Variants in RAPGEF4 observed in about 807,000 individuals in gnomAD.
RAPGEF4 encodes RAP guanine-nucleotide-exchange factor (GEF) 4.
In RAPGEF4, 66 loss-of-function variants were observed where a neutral mutation model predicts 147.9. The observed-to-expected ratio is 0.45, with a 90% CI of 0.37 to 0.55. RAPGEF4 has a LOEUF of 0.55. Ranked by LOEUF, RAPGEF4 falls within the 20% of genes least tolerant of loss-of-function variation. RAPGEF4 has a pLI of 0.00. For missense variants in RAPGEF4, 1,071 were observed against 1,257.3 expected (o/e 0.85, Z 2.24); for synonymous variants, 419 against 442.7 (o/e 0.95, Z 0.67).
intron 4 of RAPGEF4, among the ~76,000 whole-genome samples, chr2:172,826,964 CAA>C (rs59106041): frequency 1.4e-5 from 2 of 138,846 alleles, no homozygotes. Context: ...GACCCTTTCT[CAA>C]AAAAAAAAAG....
chr2:172,958,679 A>G (rs1240590266), intron 6 of RAPGEF4, among the ~76,000 whole-genome samples: 2 of 152,204 alleles, frequency 1.3e-5, no homozygotes, highest in Non-Finnish European at 1.5e-5. Flanking sequence ...TTAAAATACT[A>G]TAATATTGCT....
chr2:172,800,535 T>C (rs958648236), intron 3 of RAPGEF4, among the ~76,000 whole-genome samples: 6 of 152,042 alleles, frequency 3.9e-5, no homozygotes, highest in Admixed American at 3.3e-4. Context: ...CAAGTCAGGG[T>C]TCTTCAGAGA....
At chr2:172,749,815 C>T (rs778746836) in intron 1 of RAPGEF4, among the ~76,000 whole-genome samples, 12 of 152,024 alleles carry the variant, frequency 7.9e-5, no homozygotes, top group Non-Finnish European at 1.8e-4. Flanking sequence ...GTTTTTAATC[C>T]CCCCAAGTCA....
rs1257069353 is a variant in RAPGEF4 at position 172,913,996 on chromosome 2, G to A, written c.445-3806G>A. 3.3e-5 allele frequency among the ~76,000 whole-genome samples: 5 copies of A among 152,154 alleles called. No homozygotes were observed. The South Asian group carries it at 1.0e-3, about 32-fold the overall frequency. ...AAACATCTTTTATTCCCACAAAATG[G>A]TATATACACCATGCTGTAGTTTGCT... is the stretch of plus-strand genomic sequence containing the variant. On this transcript the variant is annotated intron_variant, in intron 4 of 30. Coordinates refer to ENST00000397081, the MANE Select transcript of RAPGEF4 (RefSeq NM_007023.4).
At chr2:172,964,030 C>G (rs545063940) in intron 8 of RAPGEF4, among the ~76,000 whole-genome samples, 8 of 152,158 alleles carry the variant, frequency 5.3e-5, no homozygotes, top group Middle Eastern at 3.4e-3. Flanking sequence ...TCTGTGTACT[C>G]TTTTTTTGTA....
chr2:173,023,541 G>C (rs182118418), intron 23 of RAPGEF4, among the ~76,000 whole-genome samples: 341 of 152,242 alleles, frequency 2.2e-3, no homozygotes, highest in Non-Finnish European at 3.9e-3. Flanking sequence ...TGCCTCTTCC[G>C]TGGCTCATGG....
intron 6 of RAPGEF4, among the ~76,000 whole-genome samples, chr2:172,933,778 G>T (rs1421885684): frequency 6.6e-6 from 1 of 152,080 alleles, no homozygotes; most frequent in Non-Finnish European, 1.5e-5. Flanking sequence ...TTAATAAAAG[G>T]TTGATTTATG....
chr2:172,758,520 A>C (rs2081406), intron 1 of RAPGEF4, among the ~76,000 whole-genome samples: 14,770 of 152,264 alleles, frequency 0.097, 797 homozygotes, highest in African/African-American at 0.14. Context: ...AAGCTATTTC[A>C]GTAATCTAGG....
intron 3 of RAPGEF4, among the ~76,000 whole-genome samples, chr2:172,799,378 C>A (rs1377625971): frequency 6.6e-6 from 1 of 152,158 alleles, no homozygotes; most frequent in Non-Finnish European, 1.5e-5. Flanking sequence ...TGAACAGATG[C>A]TCTTCACCAC....
chr2:172,908,124 C>A (rs983429195), intron 4 of RAPGEF4, among the ~76,000 whole-genome samples: 1 of 152,204 alleles, frequency 6.6e-6, no homozygotes, highest in African/African-American at 2.4e-5. Flanking sequence ...ATACATAATG[C>A]CTGGGGTCTA....
intron 1 of RAPGEF4, 23 bp downstream of exon 1, chr2:172,736,071 CG>C (rs1559013132): frequency 6.9e-6 from 10 of 1,454,792 alleles, no homozygotes; most frequent in East Asian, 3.2e-5. Flanking sequence ...GGGCCGCAGC[CG>C]GGGGCCGAGC....
At chr2:173,023,999 G>T (rs1213695292) in intron 23 of RAPGEF4, among the ~76,000 whole-genome samples, 1 of 152,140 alleles carries the variant, frequency 6.6e-6, no homozygotes, top group Non-Finnish European at 1.5e-5. Flanking sequence ...ACCTACCCTG[G>T]TTGAAATCAT....
intron 4 of RAPGEF4, among the ~76,000 whole-genome samples, chr2:172,898,452 C>T (rs1366695725): frequency 6.6e-6 from 1 of 152,118 alleles, no homozygotes; most frequent in Non-Finnish European, 1.5e-5. Flanking sequence ...CTCTTAATAC[C>T]TTTTCTCTGA....
At chr2:172,906,507 A>C (rs888664996) in intron 4 of RAPGEF4, among the ~76,000 whole-genome samples, 2 of 152,354 alleles carry the variant, frequency 1.3e-5, no homozygotes, top group East Asian at 3.9e-4. Flanking sequence ...ACATATCCCC[A>C]GGGAGCTTCT....
intron 3 of RAPGEF4, among the ~76,000 whole-genome samples, chr2:172,807,041 A>AT (rs1207726735): frequency 2.0e-5 from 3 of 151,944 alleles, no homozygotes; most frequent in Non-Finnish European, 2.9e-5. Flanking sequence ...CATTGGAAAC[A>AT]TTTTTTTTCT....
chr2:172,756,995 G>A (rs939876452), intron 1 of RAPGEF4, among the ~76,000 whole-genome samples: 11 of 152,196 alleles, frequency 7.2e-5, no homozygotes, highest in African/African-American at 2.7e-4. Context: ...GGCCAACTGA[G>A]AATTTTCTAT....
rs73017586 is a variant in RAPGEF4, at chr2:173,020,750, A to T, written c.2253+35A>T. 5 of 1,546,932 alleles carry T rather than the reference A, an allele frequency of 3.2e-6. No individual in the cohort carries two copies. In the African/African-American group the frequency reaches 6.9e-5, roughly 21 times the overall value. ...GATGGCCTGCTCAGAGCAGCATTGC[A>T]ATCAGAAAAACTTGTCTGGAGCCTA... On this transcript the variant is annotated intron_variant, in intron 23 of 30. Transcript: ENST00000397081.
chr2:173,020,171 C>T (rs1053535874), intron 22 of RAPGEF4, among the ~76,000 whole-genome samples: 2 of 152,054 alleles, frequency 1.3e-5, no homozygotes, highest in African/African-American at 2.4e-5. Context: ...TATTGCCCTG[C>T]AAATTAGGGA....
At chr2:172,925,576 G>C (rs185149347) in intron 6 of RAPGEF4, among the ~76,000 whole-genome samples, 1 of 98,680 alleles carries the variant, frequency 1.0e-5, no homozygotes, top group Non-Finnish European at 2.1e-5. Flanking sequence ...CACATAGTGA[G>C]ACTCTGTCTG....
Sources: allele counts gnomAD v4.1 joint callset (sites outside exome capture counted in the v4.1 genomes callset), GRCh38; gene constraint gnomAD v4.1.1; transcripts MANE v1.5; gene names NCBI Gene and HGNC (gene_info 2026-07-23, HGNC 2026-07-21).